The following TRIM71 variants were observed in gnomAD, a reference collection of about 807,000 sequenced individuals.
The protein encoded by TRIM71 is tripartite motif containing 71, also known as E3 ubiquitin-protein ligase TRIM71.
A neutral mutation model predicts 61.2 loss-of-function variants in TRIM71; 9 were observed. The observed-to-expected ratio is 0.15, with a 90% confidence interval of 0.09 to 0.26. TRIM71 has a LOEUF of 0.26. Among genes scored for constraint, TRIM71 ranks in the 10% least tolerant of loss-of-function variants. The pLI is 1.00. For missense variants in TRIM71, 998 were observed against 1,238.7 expected (o/e 0.81, Z 2.92); for synonymous variants, 645 against 553.2 (o/e 1.17, Z -2.33).
chr3:32,881,500 G>C (rs1351058275), intron 2 of TRIM71, among the ~76,000 whole-genome samples: 1 of 152,120 alleles, frequency 6.6e-6, no homozygotes. Context: ...GCCAGATTTG[G>C]CCCAAGTCTC....
intron 1 of TRIM71, among the ~76,000 whole-genome samples, chr3:32,866,853 T>C (rs971129486): frequency 4.6e-5 from 7 of 152,138 alleles, no homozygotes; most frequent in Admixed American, 2.6e-4. Flanking sequence ...GGCAACTTTT[T>C]GGGGAGCAGC....
intron 1 of TRIM71, among the ~76,000 whole-genome samples, chr3:32,865,000 T>C (rs1164822727): frequency 1.3e-5 from 2 of 152,026 alleles, no homozygotes; most frequent in African/African-American, 2.4e-5. Flanking sequence ...CTGCCCCTTA[T>C]GGTTCACCTG....
Position 32,873,726 on chromosome 3 carries a change from C to T in TRIM71, c.853-92C>T, listed in dbSNP as rs540196039. 185 of 1,251,552 alleles carry T rather than the reference C, an allele frequency of 1.5e-4. 3 individuals carry two copies. The African/African-American group carries it at 2.1e-3, about 14-fold the overall frequency. 77.5% of individuals were successfully genotyped at this position (1,251,552 alleles called of 1,614,324 possible). A position where few individuals can be genotyped will look rare whatever the true frequency, so the allele number is the denominator to read the frequency against. On this transcript the variant is annotated intron_variant, in intron 1 of 3. Transcript: ENST00000383763. ...TTGCTCATTGGGGAAGCTGGTCGTT[C>T]GGTTGTGAGAGCCAGGGCCCTCCAG...
Position 32,890,713 on chromosome 3 carries a change from C to G in TRIM71, c.1509C>G (p.Ala503=). The part of the protein sequence containing the change: ...GLKRALQGKV[A]SFTVIGYDHD... ...AGCGTGCCCTCCAGGGTAAGGTGGC[C>G]TCCTTCACAGTCATTGGTTATGACC... Residue 503 remains alanine (A), a synonymous_variant, in exon 4 of 4, where the codon GCC becomes GCG. Transcript: ENST00000383763. The surrounding 1 kb of genome is among the most constrained non-coding windows in gnomAD (Gnocchi z 6.2). 1 of 1,614,076 alleles carries G rather than the reference C, an allele frequency of 6.2e-7. No homozygotes were observed. Among genetic ancestry groups the G allele is most frequent in the Non-Finnish European group, 8.5e-7 (1 of 1,180,028 alleles).
intron 1 of TRIM71, among the ~76,000 whole-genome samples, chr3:32,861,457 G>A (rs1334182279): frequency 6.6e-6 from 1 of 151,612 alleles, no homozygotes; most frequent in African/African-American, 2.4e-5. Flanking sequence ...TGTTGGCCAG[G>A]CGCGGTGGCT....
At chr3:32,866,178 A>G (rs567574500) in intron 1 of TRIM71, among the ~76,000 whole-genome samples, 1 of 149,070 alleles carries the variant, frequency 6.7e-6, no homozygotes, top group Non-Finnish European at 1.5e-5. Context: ...TTTTTTGGAG[A>G]TGGATTACAG....
At chr3:32,862,884 A>T (rs1696686807) in intron 1 of TRIM71, among the ~76,000 whole-genome samples, 1 of 152,098 alleles carries the variant, frequency 6.6e-6, no homozygotes, top group African/African-American at 2.4e-5. Context: ...CAGGGTTCTA[A>T]TTTTTTCAAA....
intron 1 of TRIM71, among the ~76,000 whole-genome samples, chr3:32,850,047 G>A (rs1353618624): frequency 1.3e-5 from 2 of 152,162 alleles, no homozygotes; most frequent in African/African-American, 2.4e-5. Context: ...AAAACCCCAC[G>A]CATCTGGATG....
At chr3:32,822,270 C>T (rs1480738735) in intron 1 of TRIM71, among the ~76,000 whole-genome samples, 1 of 152,060 alleles carries the variant, frequency 6.6e-6, no homozygotes, top group Non-Finnish European at 1.5e-5. Flanking sequence ...AATATTGTTC[C>T]CAGTTAGGCA....
At chr3:32,862,624 T>C (rs533896807) in intron 1 of TRIM71, among the ~76,000 whole-genome samples, 2 of 152,364 alleles carry the variant, frequency 1.3e-5, no homozygotes, top group Admixed American at 6.5e-5. Context: ...TTTGCAACCT[T>C]GGAGGCAGCT....
rs960927454 is a variant in TRIM71 at position 32,890,212 on chromosome 3, T to A, written c.1156-148T>A. The A allele has an allele frequency of 1.7e-6, 2 of 1,162,894 alleles. No homozygotes were observed. Among genetic ancestry groups the A allele is most frequent in the South Asian group, 3.1e-5 (2 of 63,844 alleles). 72.0% of individuals were successfully genotyped at this position (1,162,894 alleles called of 1,614,324 possible). On this transcript the variant is annotated intron_variant, in intron 3 of 3. Transcript: ENST00000383763. The surrounding 1 kb of genome is among the most constrained non-coding windows in gnomAD (Gnocchi z 6.2). ...TTTTGGTCCATTTTGATTTTGCTGC[T>A]TTTGAAGAAAGACAGATGTCTTTTG...
chr3:32,828,876 T>C (rs965078945), intron 1 of TRIM71, among the ~76,000 whole-genome samples: 2 of 152,176 alleles, frequency 1.3e-5, no homozygotes, highest in African/African-American at 4.8e-5. Flanking sequence ...GGGTTCTCAC[T>C]TTGTTGCCCA....
rs574491952 is a variant in TRIM71 at position 32,890,050 on chromosome 3, C to A, written c.1156-310C>A. Among the ~76,000 whole-genome samples, 5 of 152,260 alleles carry A rather than the reference C, an allele frequency of 3.3e-5. No homozygotes were observed. In the South Asian group the frequency reaches 6.2e-4, roughly 19 times the overall value. Reference sequence around the variant, plus strand: ...ACAGTACTAGCATCTACTCCTCAGTCCATAATCAAGGTTCAACAATTGTCC... The same window carrying A: ...ACAGTACTAGCATCTACTCCTCAGTACATAATCAAGGTTCAACAATTGTCC... On this transcript the variant is annotated intron_variant, in intron 3 of 3. Transcript: ENST00000383763. The surrounding 1 kb of genome is among the most constrained non-coding windows in gnomAD (Gnocchi z 6.2).
intron 1 of TRIM71, among the ~76,000 whole-genome samples, chr3:32,830,307 G>T (rs964154025): frequency 6.6e-6 from 1 of 152,032 alleles, no homozygotes; most frequent in African/African-American, 2.4e-5. Flanking sequence ...AGCATAAATG[G>T]GCTCTGGTCT....
intron 1 of TRIM71, among the ~76,000 whole-genome samples, chr3:32,838,522 CTT>C (rs11361989): frequency 0.34 from 46,180 of 136,602 alleles, 8,849 homozygotes; most frequent in East Asian, 0.59. Flanking sequence ...TGCACCTGGC[CTT>C]TTTTTTTTTT....
At chr3:32,852,766 A>AC (rs1559543005) in intron 1 of TRIM71, among the ~76,000 whole-genome samples, 2 of 139,690 alleles carry the variant, frequency 1.4e-5, no homozygotes, top group South Asian at 2.3e-4. Context: ...TTTTAAAAAA[A>AC]AAAAAAAACA....
chr3:32,843,739 G>A (rs899062320), intron 1 of TRIM71, among the ~76,000 whole-genome samples: 1 of 152,172 alleles, frequency 6.6e-6, no homozygotes, highest in African/African-American at 2.4e-5. Context: ...GTAACATTCT[G>A]GAGGAGTCTT....
chr3:32,890,608 G>A lies in TRIM71; in HGVS notation c.1404G>A (p.Leu468=), dbSNP rs762574576. The A allele has an allele frequency of 1.9e-6, 3 of 1,613,954 alleles. No homozygotes were observed. Among genetic ancestry groups the A allele is most frequent in the Non-Finnish European group, 2.5e-6 (3 of 1,180,038 alleles). Residue 468 remains leucine, a synonymous_variant, in exon 4 of 4, where the codon CTG becomes CTA. Coordinates refer to ENST00000383763, the MANE Select transcript of TRIM71 (RefSeq NM_001039111.3). This position sits in a 1 kb window ranked among gnomAD's most constrained non-coding sequence, Gnocchi z 6.2. ...TGTTCACACCCCCCGATCAGGCACTGTACCTTGCCATCAAGTCTTTTGGCT... is the reference window on the plus strand; with the variant it reads ...TGTTCACACCCCCCGATCAGGCACTATACCTTGCCATCAAGTCTTTTGGCT... ...RVMFTPPDQA[L]YLAIKSFGFV...
intron 3 of TRIM71, 24 bp downstream of exon 3, chr3:32,886,092 C>A: frequency 6.2e-7 from 1 of 1,601,958 alleles, no homozygotes; most frequent in African/African-American, 1.3e-5. Context: ...CTCCCCCACC[C>A]AGGCTGTGCC....
Sources: gnomAD v4.1 joint callset for allele counts (sites outside exome capture counted in the v4.1 genomes callset) on GRCh38, gnomAD v4.1.1 for gene constraint, Gnocchi (gnomAD v3.1) non-coding constraint, MANE v1.5 for transcripts, NCBI Gene and HGNC (gene_info 2026-07-23, HGNC 2026-07-21) for gene names.